The following GRIP1 variants were observed in gnomAD, a reference collection of about 807,000 sequenced individuals.
GRIP1 encodes glutamate receptor interacting protein 1.
Under a neutral mutation model 129.9 loss-of-function variants are expected in GRIP1, and 45 were observed. That is an observed-to-expected ratio of 0.35 (90% confidence interval 0.27 to 0.44). The LOEUF (loss-of-function observed/expected upper bound fraction) is 0.44, where lower values mean the gene tolerates loss of function less well. GRIP1 is among the 20% of genes least tolerant of loss of function. The pLI is 1.00. For synonymous variants in GRIP1, 530 were observed against 520.8 expected (o/e 1.02, Z -0.24); for missense variants, 1,196 against 1,396.8 (o/e 0.86, Z 2.29).
chr12:66,784,161 A>G (rs2038245419), intron 1 of GRIP1, among the ~76,000 whole-genome samples: 1 of 152,132 alleles, frequency 6.6e-6, no homozygotes, highest in South Asian at 2.1e-4. Flanking sequence ...TGTTACATGA[A>G]AAGTAAAATA....
At chr12:66,663,105 T>G (rs1315589420) in intron 1 of GRIP1, among the ~76,000 whole-genome samples, 5 of 152,214 alleles carry the variant, frequency 3.3e-5, no homozygotes, top group African/African-American at 1.2e-4. Context: ...TGTTCTGAGA[T>G]CAATTGGAAT....
chr12:66,645,304 G>C (rs1046040148), intron 1 of GRIP1, among the ~76,000 whole-genome samples: 1 of 152,192 alleles, frequency 6.6e-6, no homozygotes, highest in Non-Finnish European at 1.5e-5. Flanking sequence ...GTCATTAACA[G>C]ATTGGAAAAC....
At chr12:66,640,888 T>A (rs2031859835) in intron 1 of GRIP1, among the ~76,000 whole-genome samples, 1 of 152,178 alleles carries the variant, frequency 6.6e-6, no homozygotes, top group African/African-American at 2.4e-5. Flanking sequence ...AAGTAGTTCA[T>A]AAATCCCACT....
chr12:66,836,744 G>A (rs1281179321), intron 1 of GRIP1, among the ~76,000 whole-genome samples: 1 of 152,186 alleles, frequency 6.6e-6, no homozygotes, highest in African/African-American at 2.4e-5. Context: ...TCCTTCTCTA[G>A]TGTTCACATT....
At chr12:66,370,773 A>G (rs942426841) in intron 23 of GRIP1, among the ~76,000 whole-genome samples, 10 of 152,218 alleles carry the variant, frequency 6.6e-5, no homozygotes, top group Admixed American at 2.6e-4. Context: ...TGTTACTTAC[A>G]TATGCCTTGG....
Position 66,423,063 on chromosome 12 carries a change from A to G in GRIP1, c.1769-2274T>C, listed in dbSNP as rs567920835. 9.2e-5 allele frequency among the ~76,000 whole-genome samples: 14 copies of G among 152,300 alleles called. No homozygotes were observed. In the South Asian group the frequency reaches 2.7e-3, roughly 29 times the overall value. Reference sequence around the variant, plus strand: ...AAAATATTTAGTTGCCAACACTTACAAATTAGTAGATTTTATATAGATACA... The same window carrying G: ...AAAATATTTAGTTGCCAACACTTACGAATTAGTAGATTTTATATAGATACA... On this transcript the variant is annotated intron_variant, in intron 14 of 24. Transcript: ENST00000359742.
chr12:66,771,696 C>T (rs543154663), intron 1 of GRIP1, among the ~76,000 whole-genome samples: 1 of 152,136 alleles, frequency 6.6e-6, no homozygotes, highest in East Asian at 1.9e-4. Flanking sequence ...CTGGGTCCCA[C>T]CCCAAGGCCA....
At chr12:66,876,043 G>A (rs566868352) in intron 1 of GRIP1, among the ~76,000 whole-genome samples, 1 of 152,044 alleles carries the variant, frequency 6.6e-6, no homozygotes, top group African/African-American at 2.4e-5. Context: ...TCAGAGTGAA[G>A]AAAAGATTTC....
At chr12:66,647,703 T>G (rs575641608) in intron 1 of GRIP1, among the ~76,000 whole-genome samples, 51 of 152,312 alleles carry the variant, frequency 3.3e-4, no homozygotes, top group African/African-American at 1.2e-3. Flanking sequence ...CTTAGAGATA[T>G]CATGGTAAAA....
chr12:66,795,833 A>C (rs974862985), intron 1 of GRIP1, among the ~76,000 whole-genome samples: 6 of 152,168 alleles, frequency 3.9e-5, no homozygotes, highest in African/African-American at 1.2e-4. Context: ...AAAAGCCATT[A>C]AGAATCTTTA....
rs1337652096 is a variant in GRIP1 at position 66,456,301 on chromosome 12, A to G, written c.1084T>C (p.Trp362Arg). 8 of 1,289,614 alleles carry G rather than the reference A, an allele frequency of 6.2e-6. No individual in the cohort carries two copies. In the South Asian group the frequency reaches 9.9e-5, roughly 16 times the overall value. The allele number at this position is 1,289,614 out of a possible 1,614,324, so 79.9% of individuals were successfully genotyped here. A position where few individuals can be genotyped will look rare whatever the true frequency, so the allele number is the denominator to read the frequency against. The part of the protein sequence containing the change: ...RSDRQLTWDS[W>R]ASNHSSLHTN... ...TGAAGGCTGCTGTGGTTGCTGGCCC[A>G]GGAATCCCAGGTAAGTTGCCTGTCG... is the stretch of plus-strand genomic sequence containing the variant. The change falls in exon 10 of 25, where the codon TGG becomes CGG. Residue 362 changes from tryptophan to arginine, a missense_variant. Physicochemically the swap from Trp to Arg is moderately radical, Grantham distance 101 (BLOSUM62 -3). Transcript: ENST00000359742.
Position 66,668,313 on chromosome 12 carries a change from C to T in GRIP1, c.55+10537G>A, listed in dbSNP as rs1044780656. On this transcript the variant is annotated intron_variant, in intron 1 of 24. Coordinates refer to ENST00000359742, the MANE Select transcript of GRIP1 (RefSeq NM_001366722.1). ...CATTTAGAAAAACAAAGGCAATAAA[C>T]GAAATTCATTTTTGATCTGTATGAG... Among the ~76,000 whole-genome samples, 11 of 152,228 alleles carry T rather than the reference C, an allele frequency of 7.2e-5. No homozygotes were observed. In the East Asian group the frequency reaches 7.7e-4, roughly 11 times the overall value.
intron 1 of GRIP1, among the ~76,000 whole-genome samples, chr12:66,936,714 T>C (rs2041491771): frequency 6.6e-6 from 1 of 152,188 alleles, no homozygotes; most frequent in Non-Finnish European, 1.5e-5. Flanking sequence ...TGCTGGGGTC[T>C]CTGTACTTAA....
intron 5 of GRIP1, among the ~76,000 whole-genome samples, chr12:66,526,411 T>A (rs1484731446): frequency 3.9e-5 from 6 of 152,052 alleles, no homozygotes; most frequent in Middle Eastern, 3.2e-3. Context: ...CAAACCTGAC[T>A]AAAACAAGAA....
rs147758098 is a variant in GRIP1 at position 67,028,448 on chromosome 12, T to C, written c.58+40602A>G. 5.0e-4 allele frequency among the ~76,000 whole-genome samples: 76 copies of C among 152,372 alleles called. 1 individual carries two copies. Among genetic ancestry groups the C allele is most frequent in the African/African-American group, 1.7e-3 (72 of 41,600 alleles). On this transcript the variant is annotated intron_variant, in intron 1 of 1. Transcript: ENST00000643019. ...TGGATTGAATGGATACCTGTAATTA[T>C]ATCAGCAATTTTCTGCATTCATGTA...
At chr12:66,708,222 G>C (rs144890155) in intron 1 of GRIP1, among the ~76,000 whole-genome samples, 1 of 151,872 alleles carries the variant, frequency 6.6e-6, no homozygotes, top group African/African-American at 2.4e-5. Flanking sequence ...ATGGAATGAG[G>C]TTGCTCATAA....
At chr12:66,980,139 C>T (rs563445346) in intron 1 of GRIP1, among the ~76,000 whole-genome samples, 1 of 152,288 alleles carries the variant, frequency 6.6e-6, no homozygotes, top group East Asian at 1.9e-4. Flanking sequence ...CTGTTTAATT[C>T]TCAGTTACCT....
intron 8 of GRIP1, among the ~76,000 whole-genome samples, chr12:66,463,697 G>A (rs545254125): frequency 2.0e-5 from 3 of 152,274 alleles, no homozygotes; most frequent in East Asian, 3.9e-4. Flanking sequence ...AGTCAAGTGA[G>A]TAATAAAACC....
intron 1 of GRIP1, among the ~76,000 whole-genome samples, chr12:66,639,848 T>C (rs1272525356): frequency 6.6e-6 from 1 of 152,338 alleles, no homozygotes; most frequent in Non-Finnish European, 1.5e-5. Flanking sequence ...TGGATGAATT[T>C]AGTACAAGCA....
Sources: allele counts gnomAD v4.1 joint callset (sites outside exome capture counted in the v4.1 genomes callset), GRCh38; gene constraint gnomAD v4.1.1; transcripts MANE v1.5; gene names NCBI Gene and HGNC (gene_info 2026-07-23, HGNC 2026-07-21).